Variants in KIF13A observed in about 807,000 individuals in gnomAD.
The protein encoded by KIF13A is kinesin-like protein KIF13A.
KIF13A carries 79 observed loss-of-function variants against 212.2 expected under a neutral mutation model. The observed-to-expected ratio is 0.37, with a 90% confidence interval of 0.31 to 0.45. The LOEUF (loss-of-function observed/expected upper bound fraction) is 0.45, where lower values mean the gene tolerates loss of function less well. Ranked by LOEUF, KIF13A falls within the 20% of genes least tolerant of loss-of-function variation. The pLI, the probability that KIF13A is intolerant of heterozygous loss-of-function variation, is 1.00. For missense variants in KIF13A, 1,901 were observed against 2,209.0 expected, an observed-to-expected ratio of 0.86 and a Z score of 2.79; for synonymous variants, 789 against 808.6, an observed-to-expected ratio of 0.98 and a Z score of 0.41.
chr6:17,779,249 ATATATATATTTTTTTT>A, intron 32 of KIF13A, 150 bp from the exon 33 acceptor site: 1 of 22,424 alleles, frequency 4.5e-5, no homozygotes, highest in Non-Finnish European at 1.4e-4. Context: ...ATATATATAT[ATATATATATTTTTTTT>A]TTTTTTTTTT....
intron 2 of KIF13A, chr6:17,953,801 GA>G (rs1778095977): frequency 1.1e-5 from 2 of 180,218 alleles, no homozygotes; most frequent in Admixed American, 5.5e-5. Flanking sequence ...GAGACTAGGG[GA>G]ATAGGTAGGC....
At chr6:17,946,967 GA>G (rs1777458098) in intron 2 of KIF13A, among the ~76,000 whole-genome samples, 1 of 152,218 alleles carries the variant, frequency 6.6e-6, no homozygotes, top group Non-Finnish European at 1.5e-5. Flanking sequence ...AAAGCTCATC[GA>G]AACTGTACAC....
Position 17,828,096 on chromosome 6 carries a change from T to C in KIF13A, c.1532+144A>G, listed in dbSNP as rs2150368220. 1 of 655,326 alleles carries C rather than the reference T, an allele frequency of 1.5e-6. No homozygotes were observed. Among genetic ancestry groups the C allele is most frequent in the East Asian group, 2.9e-5 (1 of 34,476 alleles). 40.6% of individuals were successfully genotyped at this position (655,326 alleles called of 1,614,324 possible). A position where few individuals can be genotyped will look rare whatever the true frequency, so the allele number is the denominator to read the frequency against. On this transcript the variant is annotated intron_variant, in intron 14 of 38. Transcript: ENST00000259711. The surrounding 1 kb of genome is among the most constrained non-coding windows in gnomAD (Gnocchi z 4.3). ...AGTCACTCCTTCACAGTAATCACTC[T>C]CTACAATCAGAAAGCAAGGGCCCCC...
At chr6:17,955,178 G>T (rs1266404125) in intron 2 of KIF13A, among the ~76,000 whole-genome samples, 2 of 152,166 alleles carry the variant, frequency 1.3e-5, no homozygotes, top group Non-Finnish European at 2.9e-5. Flanking sequence ...CTGAATATGA[G>T]AATTGATCTG....
rs1581368755 is a variant in KIF13A at position 17,807,519 on chromosome 6, CCT to C, written c.2163+1247_2163+1248del. Among the ~76,000 whole-genome samples, 4 of 149,978 alleles carry C rather than the reference CCT, an allele frequency of 2.7e-5. No individual in the cohort carries two copies. The East Asian group carries it at 7.7e-4, about 29-fold the overall frequency. ...TCAGACCGGTTCTCTGCTCTCGAACCCTGTTTTCTGTTATTTAAGATGTTTAT... is the reference window on the plus strand; with the variant it reads ...TCAGACCGGTTCTCTGCTCTCGAACCGTTTTCTGTTATTTAAGATGTTTAT... On this transcript the variant is annotated intron_variant, in intron 18 of 38. Coordinates refer to ENST00000259711, the MANE Select transcript of KIF13A (RefSeq NM_022113.6).
chr6:17,859,796 C>A (rs532101396), intron 4 of KIF13A, among the ~76,000 whole-genome samples: 1 of 151,458 alleles, frequency 6.6e-6, no homozygotes, highest in Admixed American at 6.6e-5. Context: ...ACACCAAGCC[C>A]GGCCAATTTT....
At chr6:17,908,582 C>T (rs971788697) in intron 2 of KIF13A, among the ~76,000 whole-genome samples, 11 of 151,676 alleles carry the variant, frequency 7.3e-5, no homozygotes, top group Non-Finnish European at 1.3e-4. Context: ...CGAGCCTAGG[C>T]GACAGAGCGA....
chr6:17,959,596 T>A (rs939112657), intron 2 of KIF13A, among the ~76,000 whole-genome samples: 1 of 152,236 alleles, frequency 6.6e-6, no homozygotes, highest in Non-Finnish European at 1.5e-5. Context: ...ACACCTTCTG[T>A]ATCAACAAGT....
At chr6:17,823,390 T>G (rs934014787) in intron 16 of KIF13A, among the ~76,000 whole-genome samples, 10 of 151,358 alleles carry the variant, frequency 6.6e-5, no homozygotes, top group African/African-American at 2.2e-4. Flanking sequence ...TGGCTGGCTG[T>G]CTTTCTCTCT....
intron 2 of KIF13A, among the ~76,000 whole-genome samples, chr6:17,965,173 G>T (rs1195898488): frequency 1.3e-5 from 2 of 152,016 alleles, no homozygotes; most frequent in Non-Finnish European, 2.9e-5. Context: ...CAAATGAAAA[G>T]GTTACAAGCT....
At chr6:17,804,229 A>C in intron 20 of KIF13A, 132 bp downstream of exon 20, 1 of 697,784 alleles carries the variant, frequency 1.4e-6, no homozygotes, top group Non-Finnish European at 2.2e-6. Context: ...AGAAAAAAGA[A>C]TGCAGACCTT....
At chr6:17,929,621 C>T (rs1308666056) in intron 2 of KIF13A, among the ~76,000 whole-genome samples, 10 of 152,060 alleles carry the variant, frequency 6.6e-5, no homozygotes, top group Non-Finnish European at 1.0e-4. Context: ...AGCATGGTCT[C>T]GACCTCCTGA....
chr6:17,964,659 G>C (rs1779137929), intron 2 of KIF13A, among the ~76,000 whole-genome samples: 1 of 152,062 alleles, frequency 6.6e-6, no homozygotes, highest in South Asian at 2.1e-4. Flanking sequence ...AAAGACAGAA[G>C]TTTAAAGAAT....
At chr6:17,913,688 A>T (rs1177948018) in intron 2 of KIF13A, among the ~76,000 whole-genome samples, 1 of 152,176 alleles carries the variant, frequency 6.6e-6, no homozygotes, top group Non-Finnish European at 1.5e-5. Context: ...TTTGTCAGTA[A>T]CATCAGGGAA....
In KIF13A at chr6:17,899,424, T is replaced by G. The variant is rs1245356527; in HGVS notation, c.147-1244A>C. On this transcript the variant is annotated intron_variant, in intron 2 of 38. Coordinates refer to ENST00000259711, the MANE Select transcript of KIF13A (RefSeq NM_022113.6). This position sits in a 1 kb window ranked among gnomAD's most constrained non-coding sequence, Gnocchi z 5.2. ...CCAGGGCAGAGGGCACGGAAAGGTA[T>G]AGGCAAAACAGCAGGATGCTTTTTC... Among the ~76,000 whole-genome samples the G allele has an allele frequency of 6.6e-6, 1 of 152,182 alleles. No individual in the cohort carries two copies. Among genetic ancestry groups the G allele is most frequent in the East Asian group, 1.9e-4 (1 of 5,192 alleles).
intron 22 of KIF13A, among the ~76,000 whole-genome samples, chr6:17,798,790 T>C (rs576584633): frequency 1.3e-5 from 2 of 152,354 alleles, no homozygotes; most frequent in East Asian, 1.9e-4. Flanking sequence ...TGAGAAACTC[T>C]ATATGAAACA....
At chr6:17,902,448 A>G (rs1334876705) in intron 2 of KIF13A, among the ~76,000 whole-genome samples, 2 of 152,226 alleles carry the variant, frequency 1.3e-5, no homozygotes, top group African/African-American at 4.8e-5. Context: ...CTTATTTTCC[A>G]CATTGATAGT....
At chr6:17,760,810 C>G, downstream of KIF13A, 1 of 1,605,428 alleles carries the variant, frequency 6.2e-7, no homozygotes, top group Non-Finnish European at 8.5e-7. Flanking sequence ...GGTGACCAGG[C>G]GAACAAAGAC....
In KIF13A at chr6:17,987,068, G is replaced by C. The variant is rs1218181339; in HGVS notation, c.132C>G (p.Thr44=). Residue 44 remains threonine (T), a synonymous_variant, in exon 2 of 39, where the codon ACC becomes ACG. Transcript: ENST00000259711. The surrounding 1 kb of genome is among the most constrained non-coding windows in gnomAD (Gnocchi z 7.7). ...QTVLHPPPSN[T]KQGERKPPKV... ...ACCCGCTTTACCTTTCTCCCTGTTTGGTGTTAGAAGGAGGAGGGTGCAGGA... is the reference window on the plus strand; with the variant it reads ...ACCCGCTTTACCTTTCTCCCTGTTTCGTGTTAGAAGGAGGAGGGTGCAGGA... The C allele has an allele frequency of 1.9e-6, 3 of 1,612,882 alleles. No homozygotes were observed.
Sources: gnomAD v4.1 joint callset for allele counts (sites outside exome capture counted in the v4.1 genomes callset) on GRCh38, gnomAD v4.1.1 for gene constraint, Gnocchi (gnomAD v3.1) non-coding constraint, MANE v1.5 for transcripts, NCBI Gene and HGNC (gene_info 2026-07-23, HGNC 2026-07-21) for gene names.